Variants in TENM2 observed in about 807,000 individuals in gnomAD.
TENM2 encodes the protein teneurin-2.
In TENM2, 52 loss-of-function variants were observed where a neutral mutation model predicts 245.2. That is an observed-to-expected ratio of 0.21 (90% CI 0.17 to 0.27). The LOEUF (loss-of-function observed/expected upper bound fraction) is 0.27. Among genes scored for constraint, TENM2 ranks in the 10% least tolerant of loss-of-function variants. The pLI is 1.00. For synonymous variants in TENM2, 1,363 were observed against 1,438.9 expected, an observed-to-expected ratio of 0.95 and a Z score of 1.19; for missense variants, 3,046 against 3,666.8, an observed-to-expected ratio of 0.83 and a Z score of 4.37.
At chr5:168,233,701 T>C (rs1765151107) in intron 25 of TENM2, among the ~76,000 whole-genome samples, 1 of 152,206 alleles carries the variant, frequency 6.6e-6, no homozygotes, top group African/African-American at 2.4e-5. Context: ...GTTTTCACGC[T>C]GCTGATAAAG....
intron 1 of TENM2, among the ~76,000 whole-genome samples, chr5:167,343,833 A>G (rs1002401228): frequency 6.6e-6 from 1 of 152,254 alleles, no homozygotes; most frequent in East Asian, 1.9e-4. Context: ...TCCAGTTGAG[A>G]AATGTCATAC....
chr5:167,511,173 A>T (rs2127569825), intron 2 of TENM2, among the ~76,000 whole-genome samples: 1 of 152,362 alleles, frequency 6.6e-6, no homozygotes, highest in South Asian at 2.1e-4. Flanking sequence ...AACTCATCAC[A>T]ATCTAGTAGA....
the TENM2 span, among the ~76,000 whole-genome samples, chr5:167,104,725 G>T: frequency 6.6e-6 from 1 of 152,144 alleles, no homozygotes; most frequent in African/African-American, 2.4e-5. Flanking sequence ...TGTAGTGGAA[G>T]AAGAAGTCAT....
intron 1 of TENM2, among the ~76,000 whole-genome samples, chr5:167,331,976 G>A (rs1757487415): frequency 6.6e-6 from 1 of 152,138 alleles, no homozygotes; most frequent in African/African-American, 2.4e-5. Context: ...CCACAAAAGA[G>A]AGAGAAGGAA....
At chr5:167,779,805 T>G (rs1048348521) in intron 2 of TENM2, among the ~76,000 whole-genome samples, 2 of 152,198 alleles carry the variant, frequency 1.3e-5, no homozygotes, top group Non-Finnish European at 2.9e-5. Flanking sequence ...CTATGGATAC[T>G]GCTGACAAAT....
At chr5:167,176,942 G>T in the TENM2 span, among the ~76,000 whole-genome samples, 1 of 152,140 alleles carries the variant, frequency 6.6e-6, no homozygotes, top group African/African-American at 2.4e-5. Flanking sequence ...TAGGTACATT[G>T]ACCTGAGAAT....
At chr5:167,841,171 C>G (rs1769480925) in intron 2 of TENM2, among the ~76,000 whole-genome samples, 1 of 151,966 alleles carries the variant, frequency 6.6e-6, no homozygotes, top group Non-Finnish European at 1.5e-5. Context: ...ATTCTCCTGC[C>G]TCAATCTCCC....
At chr5:167,645,277 A>G (rs1029004320) in intron 2 of TENM2, among the ~76,000 whole-genome samples, 1 of 152,106 alleles carries the variant, frequency 6.6e-6, no homozygotes, top group Non-Finnish European at 1.5e-5. Flanking sequence ...CATTTTCCCA[A>G]TCTCTTATAA....
At chr5:166,992,868 G>A in the TENM2 span, among the ~76,000 whole-genome samples, 10 of 152,218 alleles carry the variant, frequency 6.6e-5, no homozygotes, top group Admixed American at 2.0e-4. Context: ...CAAATATGCC[G>A]CCACCTTAAC....
Position 168,246,328 on chromosome 5 carries a change from G to C in TENM2, c.5818-429G>C, listed in dbSNP as rs186858887. Among the ~76,000 whole-genome samples the C allele has an allele frequency of 7.4e-3, 1,128 of 152,272 alleles. 7 individuals are homozygous for C. Among genetic ancestry groups the C allele is most frequent in the Non-Finnish European group, 0.01 (709 of 68,020 alleles). ...AGCTCCCCTGCTGGACCCAGTGGCA[G>C]TCATTTCTAAGCAATCTTGGGGTTC... On this transcript the variant is annotated intron_variant, in intron 26 of 28. Coordinates refer to ENST00000518659, the Ensembl canonical transcript of TENM2.
At chr5:167,665,584 AAG>A (rs1488678777) in intron 2 of TENM2, among the ~76,000 whole-genome samples, 1 of 152,190 alleles carries the variant, frequency 6.6e-6, no homozygotes, top group East Asian at 1.9e-4. Flanking sequence ...CATATTGAAA[AAG>A]AGAGATATAA....
intron 6 of TENM2, among the ~76,000 whole-genome samples, chr5:168,057,776 G>A (rs1229280490): frequency 6.6e-6 from 1 of 152,078 alleles, no homozygotes; most frequent in Non-Finnish European, 1.5e-5. Flanking sequence ...TTCATATAGA[G>A]CTTCTAAAAT....
chr5:167,791,258 CAG>C (rs1764937573), intron 2 of TENM2, among the ~76,000 whole-genome samples: 1 of 151,606 alleles, frequency 6.6e-6, no homozygotes, highest in African/African-American at 2.4e-5. Flanking sequence ...CTCCTAGAAA[CAG>C]AAACTATTTT....
At chr5:167,659,009 CTT>C (rs1165461591) in intron 2 of TENM2, among the ~76,000 whole-genome samples, 1 of 152,190 alleles carries the variant, frequency 6.6e-6, no homozygotes, top group Non-Finnish European at 1.5e-5. Flanking sequence ...ACATTACACT[CTT>C]TTCAAATAAA....
In TENM2 at chr5:167,801,105, AAAAAATATATATAT is replaced by A. The variant is rs1329143655; in HGVS notation, c.503-74879_503-74866del. Among the ~76,000 whole-genome samples the A allele has an allele frequency of 1.4e-4, 9 of 64,604 alleles. No individual in the cohort carries two copies. The South Asian group carries it at 2.1e-3, about 15-fold the overall frequency. 42.4% of individuals were successfully genotyped at this position (64,604 alleles called of 152,430 possible). On this transcript the variant is annotated intron_variant, in intron 2 of 28. Transcript: ENST00000518659. Reference sequence around the variant, plus strand: ...GAATGTATTTGAAAAGAAAAAAAAAAAAAAATATATATATATATATATATATATATATATATATA... The same window carrying A: ...GAATGTATTTGAAAAGAAAAAAAAAAATATATATATATATATATATATATA...
chr5:167,500,921 C>G (rs188747479), intron 2 of TENM2, among the ~76,000 whole-genome samples: 1 of 152,218 alleles, frequency 6.6e-6, no homozygotes, highest in East Asian at 1.9e-4. Context: ...CTCCAAGACT[C>G]ACAACTGCTC....
the TENM2 span, among the ~76,000 whole-genome samples, chr5:167,113,351 G>A: frequency 2.6e-5 from 4 of 151,976 alleles, no homozygotes; most frequent in South Asian, 2.1e-4. Context: ...CTTTTAAAAC[G>A]TTTAATAAGG....
At chr5:167,974,660 C>A (rs147845589) in intron 4 of TENM2, among the ~76,000 whole-genome samples, 1 of 152,098 alleles carries the variant, frequency 6.6e-6, no homozygotes, top group Admixed American at 6.5e-5. Context: ...TATGAGGAAA[C>A]GAAGATGTAA....
chr5:168,119,228 C>T (rs532223249), intron 10 of TENM2, among the ~76,000 whole-genome samples: 2 of 152,096 alleles, frequency 1.3e-5, no homozygotes, highest in Admixed American at 1.3e-4. Context: ...CTGGCAGACA[C>T]GTAAGGGCCT....
Sources: allele counts gnomAD v4.1 joint callset (sites outside exome capture counted in the v4.1 genomes callset), GRCh38; gene constraint gnomAD v4.1.1; transcripts MANE v1.5; gene names NCBI Gene and HGNC (gene_info 2026-07-23, HGNC 2026-07-21).